Variants in MYB observed in about 807,000 individuals in gnomAD.
The protein encoded by MYB is transcriptional activator Myb.
MYB carries 28 observed loss-of-function variants against 92.9 expected under a neutral mutation model. The observed-to-expected ratio is 0.30, with a 90% CI of 0.22 to 0.41. The LOEUF (loss-of-function observed/expected upper bound fraction) is 0.41. Among genes scored for constraint, MYB ranks in the 10% least tolerant of loss-of-function variants. The pLI, the probability that MYB is intolerant of heterozygous loss-of-function variation, is 1.00. For synonymous variants in MYB, 295 were observed against 329.1 expected, an observed-to-expected ratio of 0.90 and a Z score of 1.12; for missense variants, 679 against 929.3, an observed-to-expected ratio of 0.73 and a Z score of 3.50.
intron 3 of MYB, 75 bp downstream of exon 3, chr6:135,187,980 T>C (rs1317675391): frequency 3.6e-6 from 4 of 1,096,078 alleles, no homozygotes; most frequent in Non-Finnish European, 5.4e-6. Context: ...CTAGGAGGAG[T>C]TATTAAGATA....
chr6:135,187,722 C>T (rs1389255864), intron 2 of MYB, 112 bp from the exon 3 acceptor site: 21 of 583,382 alleles, frequency 3.6e-5, no homozygotes, highest in South Asian at 1.5e-4. Context: ...CTCCTGTATT[C>T]GGATACTTTA....
chr6:135,196,643 T>C, intron 9 of MYB: 1 of 872,370 alleles, frequency 1.1e-6, no homozygotes, highest in Non-Finnish European at 1.7e-6. Context: ...AATCATTTAT[T>C]GCACACTCAT....
chr6:135,187,384 C>G (rs1343564034), intron 2 of MYB, among the ~76,000 whole-genome samples: 1 of 152,164 alleles, frequency 6.6e-6, no homozygotes, highest in Non-Finnish European at 1.5e-5. Context: ...TGTACTGAAT[C>G]TAGCACTGGA....
At position 135,197,213 on chromosome 6, in the gene MYB, C is replaced by T; in HGVS notation, c.1456C>T (p.Gln486Ter). ...GGTCATCCTTCGAAAAAAACGGGGC[C>T]AGGCCAGCCCCTTAGCCACTGGAGA... ...PLVILRKKRG[Q>*]ASPLATGDCS... The change falls in exon 10 of 16, where the codon CAG becomes TAG. Residue 486 changes from glutamine to a stop codon, truncating the protein, a stop_gained. Coordinates refer to ENST00000341911, the MANE Select transcript of MYB (RefSeq NM_001130173.2). LOFTEE classifies it high-confidence loss of function. 1.9e-6 allele frequency: 3 copies of T among 1,613,998 alleles called. No homozygotes were observed. Among genetic ancestry groups the T allele is most frequent in the Non-Finnish European group, 2.5e-6 (3 of 1,179,876 alleles).
At chr6:135,202,710 A>G (rs1041845522) in intron 14 of MYB, 1 of 300,608 alleles carries the variant, frequency 3.3e-6, no homozygotes, top group African/African-American at 2.2e-5. Flanking sequence ...ACTGGAAAAC[A>G]GAGGCACAAA....
chr6:135,194,009 A>G (rs930397305), intron 7 of MYB, 91 bp downstream of exon 7: 18 of 1,025,442 alleles, frequency 1.8e-5, no homozygotes, highest in Middle Eastern at 2.2e-4. Context: ...CTGAGCAACT[A>G]AAGTAAAAAG....
rs1780681112 is a variant in MYB at position 135,217,912 on chromosome 6, C to G, written c.2218C>G (p.Gln740Glu). ...TGCATCCTGTGGAAAGATGGAGGAG[C>G]AGATGACATCTTCCAGTCAAGCTCG... ...EPASCGKMEE[Q>E]MTSSSQARKY... The change falls in exon 16 of 16, where the codon CAG becomes GAG. Residue 740 changes from glutamine (Q) to glutamate (E), a missense_variant. Physicochemically the swap from Gln to Glu is conservative, Grantham distance 29 (BLOSUM62 2). Coordinates refer to ENST00000341911, the MANE Select transcript of MYB (RefSeq NM_001130173.2). 1 of 1,613,448 alleles carries G rather than the reference C, an allele frequency of 6.2e-7. No homozygotes were observed. The highest frequency in any genetic ancestry group is 1.1e-5 in the South Asian group (1 of 91,008).
chr6:135,192,520 A>G lies in MYB; in HGVS notation c.724A>G (p.Asn242Asp). 22 of 1,614,254 alleles carry G rather than the reference A, an allele frequency of 1.4e-5. No individual in the cohort carries two copies. Among genetic ancestry groups the G allele is most frequent in the Non-Finnish European group, 1.8e-5 (21 of 1,180,036 alleles). The change falls in exon 6 of 16, where the codon AAC becomes GAC. Residue 242 changes from asparagine (N) to aspartate (D), a missense_variant. Physicochemically the swap from Asn to Asp is conservative, Grantham distance 23. Coordinates refer to ENST00000341911, the MANE Select transcript of MYB (RefSeq NM_001130173.2). ...TGCCACTGGCCAGCCCACTGTTAAC[A>G]ACGACTATTCCTATTACCACATTTC... ...LPATGQPTVN[N>D]DYSYYHISEA... is the part of the protein sequence containing the mutation.
chr6:135,186,153 C>G, intron 2 of MYB, 133 bp downstream of exon 2: 3 of 680,294 alleles, frequency 4.4e-6, no homozygotes, highest in Non-Finnish European at 7.6e-6. Context: ...CCCGCATGTG[C>G]AGCGTGCCCT....
rs377628025 is a variant in MYB, at chr6:135,218,829, T to C, written c.*849T>C. On this transcript the variant is annotated 3_prime_UTR_variant, in exon 16 of 16. Coordinates refer to ENST00000341911, the MANE Select transcript of MYB (RefSeq NM_001130173.2). The stretch of plus-strand genomic sequence containing the variant: ...CTTGTTTGGGAGACTCTGCATTTTT[T>C]ATTGTGGTTTTTTTGTTATTGTTGG... The C allele has an allele frequency of 9.2e-4, 205 of 223,446 alleles. No homozygotes were observed. Among genetic ancestry groups the C allele is most frequent in the Middle Eastern group, 6.9e-3 (5 of 726 alleles). 13.8% of individuals were successfully genotyped at this position (223,446 alleles called of 1,614,324 possible). A position where few individuals can be genotyped will look rare whatever the true frequency, so the allele number is the denominator to read the frequency against.
chr6:135,200,054 T>C (rs1187312402), intron 11 of MYB, 31 bp from the exon 12 acceptor site: 1 of 1,505,164 alleles, frequency 6.6e-7, no homozygotes. Context: ...TATTCTTTTG[T>C]ATTGAGCCAC....
At position 135,185,971 on chromosome 6, in the gene MYB, C is replaced by T; in HGVS notation, c.92C>T (p.Pro31Leu). Residue 31 changes from proline to leucine, a missense_variant, in exon 2 of 16, where the codon CCC (proline) becomes CTC (leucine). Pro to Leu is a moderately conservative substitution (Grantham distance 98). Around this residue, in one of 8 missense-constraint regions of MYB, gnomAD observed 88 missense variants for 145.6 expected, o/e 0.60. Coordinates refer to ENST00000341911, the MANE Select transcript of MYB (RefSeq NM_001130173.2). The stretch of plus-strand genomic sequence containing the variant: ...GACCATGACTATGATGGGCTGCTTC[C>T]CAAGTCTGGAAAGCGTCACTTGGGG... ...MCDHDYDGLL[P>L]KSGKRHLGKT... 2 of 1,614,084 alleles carry T rather than the reference C, an allele frequency of 1.2e-6. No individual in the cohort carries two copies. The highest frequency in any genetic ancestry group is 2.2e-5 in the South Asian group (2 of 91,080).
intron 13 of MYB, among the ~76,000 whole-genome samples, chr6:135,201,415 G>A (rs1322641720): frequency 2.6e-5 from 4 of 152,174 alleles, no homozygotes; most frequent in South Asian, 2.1e-4. Flanking sequence ...GGTTGAAAAC[G>A]TAGGAGCTTT....
intron 15 of MYB, among the ~76,000 whole-genome samples, chr6:135,213,176 C>T (rs576664121): frequency 5.3e-5 from 8 of 152,184 alleles, no homozygotes; most frequent in Non-Finnish European, 1.2e-4. Flanking sequence ...TGGTGTTTGT[C>T]TATACTGGGA....
chr6:135,216,559 A>T (rs1365448672), intron 15 of MYB, among the ~76,000 whole-genome samples: 4 of 152,214 alleles, frequency 2.6e-5, no homozygotes, highest in African/African-American at 9.6e-5. Context: ...GAAAACACCT[A>T]TACATGTTCA....
chr6:135,212,661 A>G (rs1038619790), intron 15 of MYB, among the ~76,000 whole-genome samples: 1 of 152,192 alleles, frequency 6.6e-6, no homozygotes, highest in Non-Finnish European at 1.5e-5. Context: ...AGGATTATTA[A>G]TGTTGAAATG....
At chr6:135,195,352 G>A (rs55936642) in intron 8 of MYB, 1,829 of 167,622 alleles carry the variant, frequency 0.011, 8 homozygotes, top group Non-Finnish European at 0.018. Flanking sequence ...TAACTCCTGA[G>A]TCCTCTAGCT....
Position 135,181,416 on chromosome 6 carries a change from C to A in MYB, c.-98C>A. Reference sequence around the variant, plus strand: ...GCCCCAGCGGTGCGGAGCGCCGCTGCGCAGCCGGGGAGGGACGCAGGCAGG... The same window carrying A: ...GCCCCAGCGGTGCGGAGCGCCGCTGAGCAGCCGGGGAGGGACGCAGGCAGG... On this transcript the variant is annotated 5_prime_UTR_variant, in exon 1 of 16. Transcript: ENST00000341911. This position sits in a 1 kb window ranked among gnomAD's most constrained non-coding sequence, Gnocchi z 5.3. 2 of 864,168 alleles carry A rather than the reference C, an allele frequency of 2.3e-6. No homozygotes were observed. Among genetic ancestry groups the A allele is most frequent in the Non-Finnish European group, 1.4e-6 (1 of 691,004 alleles). 53.5% of individuals were successfully genotyped at this position (864,168 alleles called of 1,614,324 possible).
intron 11 of MYB, among the ~76,000 whole-genome samples, 159 bp downstream of exon 11, chr6:135,199,209 G>A (rs55914235): frequency 6.6e-6 from 1 of 151,770 alleles, no homozygotes; most frequent in East Asian, 1.9e-4. Context: ...ATCTGTCCTG[G>A]GCATATTACA....
Sources: gnomAD v4.1 joint callset for allele counts (sites outside exome capture counted in the v4.1 genomes callset) on GRCh38, gnomAD v4.1.1 for gene constraint, gnomAD v4.1.1 regional missense constraint, Gnocchi (gnomAD v3.1) non-coding constraint, MANE v1.5 for transcripts, NCBI Gene and HGNC (gene_info 2026-07-23, HGNC 2026-07-21) for gene names.